The following ATP5MC2 variants were observed in gnomAD, a reference collection of about 807,000 sequenced individuals.
ATP5MC2 encodes ATP synthase membrane subunit c locus 2.
In ATP5MC2, 11 loss-of-function variants were observed where a neutral mutation model predicts 13.5. The observed-to-expected ratio is 0.81, with a 90% CI of 0.51 to 1.35. The LOEUF is 1.35. Ranked by LOEUF, ATP5MC2 falls within the 40% of genes most tolerant of loss-of-function variation. ATP5MC2 has a pLI of 0.00. For synonymous variants in ATP5MC2, 64 were observed against 69.7 expected, an observed-to-expected ratio of 0.92 and a Z score of 0.41; for missense variants, 132 against 175.0, an observed-to-expected ratio of 0.75 and a Z score of 1.39.
rs916010110 is a variant in ATP5MC2, at chr12:53,672,083, C to CAAAA, written c.39+489_39+492dup. Among the ~76,000 whole-genome samples, 203 of 47,170 alleles carry CAAAA rather than the reference C, an allele frequency of 4.3e-3. 21 individuals are homozygous for CAAAA. The highest frequency in any genetic ancestry group is 0.015 in the African/African-American group (162 of 10,942). 30.9% of individuals were successfully genotyped at this position (47,170 alleles called of 152,430 possible). A position where few individuals can be genotyped will look rare whatever the true frequency, so the allele number is the denominator to read the frequency against. On this transcript the variant is annotated intron_variant, in intron 2 of 4. Coordinates refer to ENST00000394349, the MANE Select transcript of ATP5MC2 (RefSeq NM_005176.7). Reference sequence around the variant, plus strand: ...GGGCAACAAGAGCGAAACTCTGTCTCAAAAAAAAAAAAAAAAAAAAAATTA... The same window carrying CAAAA: ...GGGCAACAAGAGCGAAACTCTGTCTCAAAAAAAAAAAAAAAAAAAAAAAAAATTA...
At chr12:53,676,379 G>C, upstream of ATP5MC2, 1 of 779,728 alleles carries the variant, frequency 1.3e-6, no homozygotes, top group South Asian at 1.9e-5. Context: ...TCCCCTTTCC[G>C]AGCATGCGCA....
At chr12:53,679,728 G>A (rs1346296772), upstream of ATP5MC2, among the ~76,000 whole-genome samples, 1 of 152,210 alleles carries the variant, frequency 6.6e-6, no homozygotes, top group Non-Finnish European at 1.5e-5. Context: ...CTCCTGGGCT[G>A]TGATGGGCTG....
chr12:53,670,498 T>G (rs74089688), intron 2 of ATP5MC2, among the ~76,000 whole-genome samples: 4,503 of 152,284 alleles, frequency 0.03, 243 homozygotes, highest in African/African-American at 0.1. Context: ...TTTACCCCTG[T>G]GATTGGGCAG....
In ATP5MC2 at chr12:53,676,076, G is replaced by A. The variant is rs1236664914; in HGVS notation, c.-55C>T. The A allele has an allele frequency of 2.5e-6, 4 of 1,614,224 alleles. No homozygotes were observed. Among genetic ancestry groups the A allele is most frequent in the Non-Finnish European group, 2.5e-6 (3 of 1,180,040 alleles). ...ACCTGCTCCCACTGCAGAGAAGACA[G>A]AGAGGGGCGGAGCAGCGGGAAGAGC... On this transcript the variant is annotated 5_prime_UTR_variant, in exon 1 of 5. Coordinates refer to ENST00000394349, the MANE Select transcript of ATP5MC2 (RefSeq NM_005176.7).
upstream of ATP5MC2, chr12:53,677,098 A>T (rs1397107173): frequency 6.6e-6 from 1 of 152,256 alleles, no homozygotes; most frequent in Non-Finnish European, 1.5e-5. Flanking sequence ...AAAAATAAAA[A>T]GAAAGCCGCG....
intron 4 of ATP5MC2, 62 bp downstream of exon 4, chr12:53,669,086 A>T: frequency 6.5e-7 from 1 of 1,538,156 alleles, no homozygotes; most frequent in Non-Finnish European, 8.7e-7. Flanking sequence ...CTAGACCCCC[A>T]AATATTTTCT....
At chr12:53,675,939 G>A (rs375413911) in intron 1 of ATP5MC2, 114 bp downstream of exon 1, 38 of 1,433,194 alleles carry the variant, frequency 2.7e-5, no homozygotes, top group Non-Finnish European at 3.6e-5. Flanking sequence ...GCAAGAAAGG[G>A]CGAGAGGACC....
intron 2 of ATP5MC2, among the ~76,000 whole-genome samples, chr12:53,671,722 G>T (rs533056008): frequency 6.6e-6 from 1 of 152,268 alleles, no homozygotes; most frequent in African/African-American, 2.4e-5. Flanking sequence ...CTTCTCCTAA[G>T]ATGGCTGGGT....
At chr12:53,680,434 G>T (rs966204194), upstream of ATP5MC2, among the ~76,000 whole-genome samples, 2 of 152,178 alleles carry the variant, frequency 1.3e-5, no homozygotes, top group African/African-American at 4.8e-5. Context: ...ATAATATGCA[G>T]CAGGATTTAA....
chr12:53,671,820 T>TC (rs768933618), intron 2 of ATP5MC2, among the ~76,000 whole-genome samples: 5 of 151,856 alleles, frequency 3.3e-5, no homozygotes, highest in Non-Finnish European at 5.9e-5. Context: ...TCACCTGAGG[T>TC]CAGGAGTTCA....
chr12:53,669,141 A>G lies in ATP5MC2; in HGVS notation c.311+7T>C, dbSNP rs200467197. Reference sequence around the variant, plus strand: ...AGATAACCAGTGGAGGGTCCAACTTATCTTACCTGGCATAACCAATGATGA... The same window carrying G: ...AGATAACCAGTGGAGGGTCCAACTTGTCTTACCTGGCATAACCAATGATGA... On this transcript the variant is annotated splice_region_variant and intron_variant, in intron 4 of 4. Coordinates refer to ENST00000394349, the MANE Select transcript of ATP5MC2 (RefSeq NM_005176.7). 4.4e-6 allele frequency: 7 copies of G among 1,601,332 alleles called. No homozygotes were observed. The highest frequency in any genetic ancestry group is 1.7e-4 in the Middle Eastern group (1 of 5,968).
intron 1 of ATP5MC2, among the ~76,000 whole-genome samples, chr12:53,674,351 A>G (rs1945202653): frequency 6.6e-6 from 1 of 152,344 alleles, no homozygotes; most frequent in East Asian, 1.9e-4. Flanking sequence ...ATAAACAAAC[A>G]AAAAAGATCT....
intron 4 of ATP5MC2, 68 bp from the exon 5 acceptor site, chr12:53,665,496 T>C (rs1424150726): frequency 7.8e-7 from 1 of 1,285,308 alleles, no homozygotes; most frequent in Non-Finnish European, 1.1e-6. Context: ...ATATCTAAGA[T>C]GGGCTCAGGG....
chr12:53,679,827 A>G (rs1009532954), upstream of ATP5MC2, among the ~76,000 whole-genome samples: 5 of 152,170 alleles, frequency 3.3e-5, no homozygotes, highest in African/African-American at 9.7e-5. Context: ...AAACCTCCCT[A>G]CTTCTAAAGA....
intron 2 of ATP5MC2, chr12:53,670,153 ACTTTG>A: frequency 1.6e-6 from 1 of 608,502 alleles, no homozygotes; most frequent in South Asian, 1.5e-5. Flanking sequence ...TGCTTCTCAG[ACTTTG>A]CTTTAAGGAA....
intron 4 of ATP5MC2, among the ~76,000 whole-genome samples, chr12:53,666,539 C>T (rs1427637185): frequency 6.7e-6 from 1 of 148,416 alleles, no homozygotes; most frequent in Non-Finnish European, 1.5e-5. Context: ...ACCGCAGCCA[C>T]TGTACTCCAG....
chr12:53,675,712 A>G (rs1945242474), intron 1 of ATP5MC2, among the ~76,000 whole-genome samples: 1 of 152,164 alleles, frequency 6.6e-6, no homozygotes, highest in East Asian at 1.9e-4. Context: ...AGGAGGGGAG[A>G]GCCTGGGGGT....
chr12:53,676,021 C>T, intron 1 of ATP5MC2, 32 bp downstream of exon 1: 1 of 1,597,442 alleles, frequency 6.3e-7, no homozygotes, highest in Non-Finnish European at 8.5e-7. Flanking sequence ...GCGTGCGCAG[C>T]GCACAGAGGG....
chr12:53,675,195 G>C (rs1295443833), intron 1 of ATP5MC2, among the ~76,000 whole-genome samples: 1 of 151,994 alleles, frequency 6.6e-6, no homozygotes, highest in Non-Finnish European at 1.5e-5. Context: ...CACAGGGGTA[G>C]TAACTTAACT....
Sources: gnomAD v4.1 joint callset for allele counts (sites outside exome capture counted in the v4.1 genomes callset) on GRCh38, gnomAD v4.1.1 for gene constraint, MANE v1.5 for transcripts, NCBI Gene and HGNC (gene_info 2026-07-23, HGNC 2026-07-21) for gene names.